CAMKMT: variants seen among roughly 807,000 people sequenced by gnomAD.
CAMKMT encodes the protein CaM KMT.
CAMKMT carries 53 observed loss-of-function variants against 48.0 expected under a neutral mutation model. The ratio of observed to expected loss-of-function variants is 1.10; its 90% CI spans 0.89 to 1.39. The LOEUF (loss-of-function observed/expected upper bound fraction) is 1.39. Among genes scored for constraint, CAMKMT ranks in the 40% most tolerant of loss-of-function variants. The pLI is 0.00. For synonymous variants in CAMKMT, 165 were observed against 152.3 expected (o/e 1.08, Z -0.61); for missense variants, 428 against 402.7 (o/e 1.06, Z -0.54).
intron 3 of CAMKMT, among the ~76,000 whole-genome samples, chr2:44,397,878 ATC>A (rs1682003447): frequency 6.6e-6 from 1 of 152,216 alleles, no homozygotes; most frequent in Non-Finnish European, 1.5e-5. Flanking sequence ...ATATGCCTTA[ATC>A]AGTGCAATAA....
At chr2:44,602,005 T>C (rs1398711145) in intron 3 of CAMKMT, among the ~76,000 whole-genome samples, 1 of 151,902 alleles carries the variant, frequency 6.6e-6, no homozygotes, top group Non-Finnish European at 1.5e-5. Flanking sequence ...TAAAAATATA[T>C]TTATTTATTT....
intron 3 of CAMKMT, among the ~76,000 whole-genome samples, chr2:44,447,699 A>G (rs1008764135): frequency 2.6e-5 from 4 of 152,224 alleles, no homozygotes; most frequent in African/African-American, 9.6e-5. Context: ...TTCACATCTT[A>G]TTGGCCAGAG....
chr2:44,580,958 C>T (rs1266703532), intron 3 of CAMKMT, among the ~76,000 whole-genome samples: 1 of 152,058 alleles, frequency 6.6e-6, no homozygotes, highest in African/African-American at 2.4e-5. Context: ...TTGACCTGGA[C>T]CCTGCTGGTT....
rs557850675 is a variant in CAMKMT, at chr2:44,493,606, AT to A, written c.376+103306del. ...TTTCCCAGGGCAAGTTGATAAAGACATTTTTGACCACCTGATTTTTGCCTGT... is the reference window on the plus strand; with the variant it reads ...TTTCCCAGGGCAAGTTGATAAAGACATTTTGACCACCTGATTTTTGCCTGT... On this transcript the variant is annotated intron_variant, in intron 3 of 10. Coordinates refer to ENST00000378494, the MANE Select transcript of CAMKMT (RefSeq NM_024766.5). Among the ~76,000 whole-genome samples, 56 of 152,286 alleles carry A rather than the reference AT, an allele frequency of 3.7e-4. 1 individual carries two copies. In the South Asian group the frequency reaches 0.011, roughly 30 times the overall value.
chr2:44,686,645 T>C (rs1676356457), intron 3 of CAMKMT, among the ~76,000 whole-genome samples: 1 of 152,202 alleles, frequency 6.6e-6, no homozygotes, highest in Non-Finnish European at 1.5e-5. Flanking sequence ...CATGAACACG[T>C]TTGAATAAGA....
intron 3 of CAMKMT, among the ~76,000 whole-genome samples, chr2:44,674,385 G>C (rs1185553270): frequency 6.6e-6 from 1 of 152,174 alleles, no homozygotes; most frequent in Non-Finnish European, 1.5e-5. Flanking sequence ...CTTGACTGCA[G>C]GGACCATCTT....
chr2:44,577,563 G>A (rs1385811188), intron 3 of CAMKMT, among the ~76,000 whole-genome samples: 1 of 151,370 alleles, frequency 6.6e-6, no homozygotes, highest in South Asian at 2.1e-4. Context: ...AGGCTGCAGT[G>A]ATCTATGATC....
At chr2:44,455,418 C>G (rs1667512085) in intron 3 of CAMKMT, among the ~76,000 whole-genome samples, 1 of 152,118 alleles carries the variant, frequency 6.6e-6, no homozygotes, top group South Asian at 2.1e-4. Context: ...TGCCATGATA[C>G]ACTGTAAGGG....
At chr2:44,561,646 A>T (rs915491283) in intron 3 of CAMKMT, among the ~76,000 whole-genome samples, 2 of 152,292 alleles carry the variant, frequency 1.3e-5, no homozygotes, top group Admixed American at 6.5e-5. Flanking sequence ...CAGGAGGTGA[A>T]TGATATCTCT....
chr2:44,448,996 C>G (rs1476988423), intron 3 of CAMKMT, among the ~76,000 whole-genome samples: 2 of 151,948 alleles, frequency 1.3e-5, no homozygotes, highest in East Asian at 3.9e-4. Flanking sequence ...GGAGTATGGA[C>G]GGAATGGGGT....
chr2:44,724,491 T>G (rs558541996), intron 7 of CAMKMT, among the ~76,000 whole-genome samples: 4 of 152,300 alleles, frequency 2.6e-5, no homozygotes, highest in East Asian at 1.9e-4. Flanking sequence ...AATCTGACAG[T>G]TGAATCACCT....
chr2:44,609,768 G>A (rs1199381869), intron 3 of CAMKMT, among the ~76,000 whole-genome samples: 1 of 152,122 alleles, frequency 6.6e-6, no homozygotes, highest in Non-Finnish European at 1.5e-5. Context: ...AGGAGAAATG[G>A]CTCATTTCCA....
At chr2:44,566,866 C>G (rs536140126) in intron 3 of CAMKMT, among the ~76,000 whole-genome samples, 2 of 152,270 alleles carry the variant, frequency 1.3e-5, no homozygotes, top group East Asian at 3.9e-4. Flanking sequence ...GTCTCTTATG[C>G]TTATAACAAG....
intron 8 of CAMKMT, among the ~76,000 whole-genome samples, chr2:44,744,174 G>A (rs1679826884): frequency 6.6e-6 from 1 of 152,032 alleles, no homozygotes; most frequent in Non-Finnish European, 1.5e-5. Flanking sequence ...TGGGGAAATA[G>A]CTTTTCTTAA....
chr2:44,464,075 A>G (rs1012327460), intron 3 of CAMKMT, among the ~76,000 whole-genome samples: 1 of 152,234 alleles, frequency 6.6e-6, no homozygotes, highest in Non-Finnish European at 1.5e-5. Context: ...GAGAATACAG[A>G]TAGACAGCTA....
At chr2:44,423,869 A>T (rs1469077157) in intron 3 of CAMKMT, among the ~76,000 whole-genome samples, 1 of 152,200 alleles carries the variant, frequency 6.6e-6, no homozygotes, top group Non-Finnish European at 1.5e-5. Context: ...GTCTTCTGGC[A>T]GTTATTTCCA....
intron 9 of CAMKMT, 79 bp downstream of exon 9, chr2:44,754,197 A>AT: frequency 9.1e-7 from 1 of 1,103,486 alleles, no homozygotes; most frequent in Non-Finnish European, 1.4e-6. Flanking sequence ...GAGTAATGGA[A>AT]TGGCAGGATT....
intron 3 of CAMKMT, among the ~76,000 whole-genome samples, chr2:44,440,512 A>G (rs983144888): frequency 2.6e-5 from 4 of 152,116 alleles, no homozygotes; most frequent in African/African-American, 9.7e-5. Flanking sequence ...CTTAAGCTGC[A>G]CTATCCAATA....
At chr2:44,722,561 T>A (rs1408901859) in intron 7 of CAMKMT, among the ~76,000 whole-genome samples, 1 of 152,112 alleles carries the variant, frequency 6.6e-6, no homozygotes, top group Non-Finnish European at 1.5e-5. Flanking sequence ...CAGAACAATT[T>A]TTACCCCATT....
Sources: gnomAD v4.1 joint callset for allele counts (sites outside exome capture counted in the v4.1 genomes callset) on GRCh38, gnomAD v4.1.1 for gene constraint, MANE v1.5 for transcripts, NCBI Gene and HGNC (gene_info 2026-07-23, HGNC 2026-07-21) for gene names.